The following B4GALNT3 variants were observed in gnomAD, a reference collection of about 807,000 sequenced individuals.
B4GALNT3 encodes beta-1,4-N-acetyl-galactosaminyltransferase 3, also known as beta-1,4-N-acetylgalactosaminyltransferase 3.
Under a neutral mutation model 120.2 loss-of-function variants are expected in B4GALNT3, and 86 were observed. The observed-to-expected ratio is 0.72, with a 90% CI of 0.60 to 0.86. The LOEUF is 0.86. B4GALNT3 is among the 40% of genes least tolerant of loss of function. The pLI, the probability that B4GALNT3 is intolerant of heterozygous loss-of-function variation, is 0.00. For missense variants in B4GALNT3, 1,167 were observed against 1,298.9 expected (o/e 0.90, Z 1.56); for synonymous variants, 518 against 510.4 (o/e 1.01, Z -0.20).
intron 11 of B4GALNT3, 133 bp from the exon 12 acceptor site, chr12:551,930 C>A (rs1302285175): frequency 2.8e-6 from 2 of 717,920 alleles, no homozygotes; most frequent in Non-Finnish European, 5.1e-6. Flanking sequence ...CAGAGCAACC[C>A]TTCTCTCCCT....
intron 1 of B4GALNT3, among the ~76,000 whole-genome samples, chr12:472,640 T>C (rs1475059557): frequency 6.6e-6 from 1 of 152,188 alleles, no homozygotes; most frequent in Admixed American, 6.5e-5. Flanking sequence ...GGTCTCACAG[T>C]GTTAGCCAGG....
intron 1 of B4GALNT3, among the ~76,000 whole-genome samples, chr12:492,619 A>T (rs1234982240): frequency 1.3e-5 from 2 of 152,240 alleles, no homozygotes; most frequent in African/African-American, 4.8e-5. Context: ...AACTGATTCT[A>T]AAATTTATAT....
In B4GALNT3 at chr12:562,283, C is replaced by T. The variant is rs1947239690; in HGVS notation, c.*832C>T. On this transcript the variant is annotated 3_prime_UTR_variant, in exon 20 of 20. Transcript: ENST00000266383. This position sits in a 1 kb window ranked among gnomAD's most constrained non-coding sequence, Gnocchi z 5.2. ...GAAGCCCTTTCCCTTACCGGCGTGC[C>T]TGTGGGTAAGGCCTCCCGAGAGGAC... is the stretch of plus-strand genomic sequence containing the variant. The T allele has an allele frequency of 6.6e-6, 1 of 152,400 alleles. No homozygotes were observed. The highest frequency in any genetic ancestry group is 6.5e-5 in the Admixed American group (1 of 15,278). 9.4% of individuals were successfully genotyped at this position (152,400 alleles called of 1,614,324 possible). A position where few individuals can be genotyped will look rare whatever the true frequency, so the allele number is the denominator to read the frequency against.
At chr12:503,124 G>A (rs984147358) in intron 1 of B4GALNT3, among the ~76,000 whole-genome samples, 1 of 152,134 alleles carries the variant, frequency 6.6e-6, no homozygotes, top group Non-Finnish European at 1.5e-5. Context: ...GGCAATAATA[G>A]GAAGTTTTGG....
At chr12:532,061 C>A (rs1030361092) in intron 1 of B4GALNT3, among the ~76,000 whole-genome samples, 5 of 152,224 alleles carry the variant, frequency 3.3e-5, no homozygotes, top group African/African-American at 1.2e-4. Flanking sequence ...CTGCCTTGGC[C>A]TCCCAAAGTC....
chr12:488,006 A>G (rs867110750), intron 1 of B4GALNT3, among the ~76,000 whole-genome samples: 8 of 152,310 alleles, frequency 5.3e-5, no homozygotes, highest in Non-Finnish European at 8.8e-5. Context: ...GAAAACACCT[A>G]TCAAGAAGCA....
Position 559,317 on chromosome 12 carries a change from C to T in B4GALNT3, c.2784C>T (p.Phe928=), listed in dbSNP as rs754002339. Residue 928 remains phenylalanine (F), a synonymous_variant, in exon 19 of 20, where the codon TTC becomes TTT. Coordinates refer to ENST00000266383, the MANE Select transcript of B4GALNT3 (RefSeq NM_173593.4). The stretch of plus-strand genomic sequence containing the variant: ...CAGGCTACTGGGAGGTGAATGGGTT[C>T]GGGCTGCTTGGCATCTACAAGTCTG... The part of the protein sequence containing the change: ...WPEGYWEVNG[F]GLLGIYKSDL... 184 of 1,613,892 alleles carry T rather than the reference C, an allele frequency of 1.1e-4. No individual in the cohort carries two copies. In the East Asian group the frequency reaches 3.3e-3, roughly 29 times the overall value.
Position 515,387 on chromosome 12 carries a change from C to T in B4GALNT3, c.170-19779C>T, listed in dbSNP as rs562870359. 4.6e-3 allele frequency among the ~76,000 whole-genome samples: 706 copies of T among 151,960 alleles called. 7 individuals carry two copies. Among genetic ancestry groups the T allele is most frequent in the African/African-American group, 0.016 (660 of 41,460 alleles). On this transcript the variant is annotated intron_variant, in intron 1 of 19. Coordinates refer to ENST00000266383, the MANE Select transcript of B4GALNT3 (RefSeq NM_173593.4). ...TTTTTTTTTCGTATTTTAGTAGAGA[C>T]GGGGTTTCACCATGTTAGCCAGGGT... is the stretch of plus-strand genomic sequence containing the variant.
At chr12:560,084 TC>T (rs1384813813) in intron 19 of B4GALNT3, among the ~76,000 whole-genome samples, 2 of 152,136 alleles carry the variant, frequency 1.3e-5, no homozygotes, top group Non-Finnish European at 1.5e-5. Flanking sequence ...CGGAGGCTGT[TC>T]CGTGTGAGGT....
At chr12:544,844 C>G in intron 4 of B4GALNT3, 38 bp from the exon 5 acceptor site, 1 of 1,601,830 alleles carries the variant, frequency 6.2e-7, no homozygotes, top group Non-Finnish European at 8.6e-7. Context: ...CCTTTTCCCT[C>G]TTCTGGGTAA....
Position 544,359 on chromosome 12 carries a change from G to T in B4GALNT3, c.372G>T (p.Leu124=). 1 of 1,613,656 alleles carries T rather than the reference G, an allele frequency of 6.2e-7. No homozygotes were observed. ...TGCAGTTCCGGGGCCGTGCCAACCT[G>T]CATGTGTTTGAAGACTGGTGTGGCA... The part of the protein sequence containing the change: ...WLSEFRGRAN[L]HVFEDWCGSS... The change falls in exon 4 of 20, where the codon CTG becomes CTT. Residue 124 remains leucine, a synonymous_variant. Transcript: ENST00000266383.
chr12:512,019 GCCTTCCACCTTCTACCTTCTGCCTTCCA>G (rs1946577482), intron 1 of B4GALNT3, among the ~76,000 whole-genome samples: 1 of 90,106 alleles, frequency 1.1e-5, no homozygotes. Context: ...TCCACCTTCC[GCCTTCCACCTTCTACCTTCTGCCTTCCA>G]CCTTCGACCT....
Position 552,467 on chromosome 12 carries a change from G to A in B4GALNT3, c.1209G>A (p.Arg403=), listed in dbSNP as rs780391242. The A allele has an allele frequency of 5.6e-6, 9 of 1,613,834 alleles. No homozygotes were observed. The South Asian group carries it at 9.9e-5, about 18-fold the overall frequency. ...ATGCACACCTCCCTTCCTCCTGCAGGTTCAGCTTTCAGGAGTACATCAAGA... is the reference window on the plus strand; with the variant it reads ...ATGCACACCTCCCTTCCTCCTGCAGATTCAGCTTTCAGGAGTACATCAAGA... ...FYQENAYYQD[R]FSFQEYIKID... Residue 403 remains arginine (R), a splice_region_variant and synonymous_variant, in exon 13 of 20, where the codon CGG becomes CGA. Coordinates refer to ENST00000266383, the MANE Select transcript of B4GALNT3 (RefSeq NM_173593.4).
rs957931291 is a variant in B4GALNT3, at chr12:558,504, C to T, written c.2608-4C>T. On this transcript the variant is annotated splice_polypyrimidine_tract_variant and splice_region_variant and intron_variant, in intron 17 of 19. Coordinates refer to ENST00000266383, the MANE Select transcript of B4GALNT3 (RefSeq NM_173593.4). The stretch of plus-strand genomic sequence containing the variant: ...CTGCTGACCCTGCCCACATCTGTCC[C>T]CAGGACCCGCACAGCATCATCTTCC... 1 of 1,613,716 alleles carries T rather than the reference C, an allele frequency of 6.2e-7. No homozygotes were observed. The highest frequency in any genetic ancestry group is 8.5e-7 in the Non-Finnish European group (1 of 1,179,838).
At chr12:476,313 G>A (rs1946184940) in intron 1 of B4GALNT3, among the ~76,000 whole-genome samples, 1 of 152,218 alleles carries the variant, frequency 6.6e-6, no homozygotes, top group African/African-American at 2.4e-5. Flanking sequence ...GCTGGACACA[G>A]TGGCTCACAT....
chr12:558,785 C>A, intron 18 of B4GALNT3, 124 bp downstream of exon 18: 1 of 1,071,090 alleles, frequency 9.3e-7, no homozygotes, highest in Non-Finnish European at 1.3e-6. Flanking sequence ...CCCTGCCCTC[C>A]TGTGGCCTTC....
At chr12:554,043 G>C (rs1592057392) in intron 14 of B4GALNT3, 60 bp downstream of exon 14, 2 of 1,237,564 alleles carry the variant, frequency 1.6e-6, no homozygotes, top group East Asian at 4.7e-5. Context: ...AGCTGGCCTG[G>C]AAGGCAGGGG....
At chr12:511,695 C>G (rs1946566448) in intron 1 of B4GALNT3, among the ~76,000 whole-genome samples, 1 of 41,982 alleles carries the variant, frequency 2.4e-5, no homozygotes, top group Admixed American at 2.7e-4. Context: ...CACCTTCTGT[C>G]TTCCACCTTC....
At chr12:520,022 A>G (rs947624911) in intron 1 of B4GALNT3, among the ~76,000 whole-genome samples, 2 of 152,134 alleles carry the variant, frequency 1.3e-5, no homozygotes, top group African/African-American at 2.4e-5. Context: ...TCTCCACTTC[A>G]TACTTCACTG....
Sources: gnomAD v4.1 joint callset for allele counts (sites outside exome capture counted in the v4.1 genomes callset) on GRCh38, gnomAD v4.1.1 for gene constraint, Gnocchi (gnomAD v3.1) non-coding constraint, MANE v1.5 for transcripts, NCBI Gene and HGNC (gene_info 2026-07-23, HGNC 2026-07-21) for gene names.